Variants in KIF1B observed in about 807,000 individuals in gnomAD.
KIF1B encodes the protein kinesin family member 1B.
KIF1B carries 76 observed loss-of-function variants against 241.9 expected under a neutral mutation model. The ratio of observed to expected loss-of-function variants is 0.31; its 90% CI spans 0.26 to 0.38. The LOEUF (loss-of-function observed/expected upper bound fraction) is 0.38. KIF1B is among the 10% of genes least tolerant of loss of function. KIF1B has a pLI of 1.00. For synonymous variants in KIF1B, 750 were observed against 796.7 expected (o/e 0.94, Z 0.99); for missense variants, 1,622 against 2,271.4 (o/e 0.71, Z 5.81).
intron 22 of KIF1B, among the ~76,000 whole-genome samples, chr1:10,300,193 C>T (rs558995469): frequency 5.1e-4 from 76 of 149,900 alleles, no homozygotes; most frequent in Non-Finnish European, 9.3e-4. Flanking sequence ...GCCAAGATCG[C>T]GCAACTGCAC....
intron 38 of KIF1B, 103 bp downstream of exon 38, chr1:10,352,839 A>AT (rs761570177): frequency 3.4e-5 from 27 of 797,020 alleles, no homozygotes; most frequent in Non-Finnish European, 5.7e-5. Context: ...GGACAAAGAA[A>AT]TTAACTCCCT....
Position 10,326,239 on chromosome 1 carries a change from A to G in KIF1B, c.2804A>G (p.Asp935Gly). 2 of 1,614,160 alleles carry G rather than the reference A, an allele frequency of 1.2e-6. No homozygotes were observed. Among genetic ancestry groups the G allele is most frequent in the Non-Finnish European group, 1.7e-6 (2 of 1,180,026 alleles). ...DEQQDEMEDF[D>G]DEAFVDDAGS... ...CAGCAAGATGAGATGGAGGATTTTGATGATGAGGCATTCGTGGATGACGCC... is the reference window on the plus strand; with the variant it reads ...CAGCAAGATGAGATGGAGGATTTTGGTGATGAGGCATTCGTGGATGACGCC... The change falls in exon 27 of 49, where the codon GAT becomes GGT. Residue 935 changes from aspartate (D) to glycine (G), a missense_variant. By Grantham distance (94) the Asp-to-Gly change is moderately conservative. Coordinates refer to ENST00000676179, the MANE Select transcript of KIF1B (RefSeq NM_001365951.3). This position sits in a 1 kb window ranked among gnomAD's most constrained non-coding sequence, Gnocchi z 5.2.
intron 1 of KIF1B, among the ~76,000 whole-genome samples, chr1:10,220,413 A>AGATAGAT (rs1557644329): frequency 2.7e-4 from 41 of 149,616 alleles, no homozygotes; most frequent in African/African-American, 9.9e-4. Context: ...ATAGATAGAT[A>AGATAGAT]GATAGATAGA....
chr1:10,375,786 G>GTTTTTTTTTTTTTTTTTTTT (rs201620952), intron 48 of KIF1B, among the ~76,000 whole-genome samples: 1 of 69,566 alleles, frequency 1.4e-5, no homozygotes, highest in Non-Finnish European at 2.6e-5. Flanking sequence ...TTCTTTTCTT[G>GTTTTTTTTTTTTTTTTTTTT]TTTTTTTTTT....
At chr1:10,279,771 A>G (rs947440179) in intron 14 of KIF1B, among the ~76,000 whole-genome samples, 1 of 131,602 alleles carries the variant, frequency 7.6e-6, no homozygotes, top group Non-Finnish European at 1.5e-5. Context: ...ATCGTGGCCC[A>G]CTGTAACCTT....
chr1:10,369,930 C>T (rs1324933755), intron 44 of KIF1B, among the ~76,000 whole-genome samples: 1 of 149,460 alleles, frequency 6.7e-6, no homozygotes, highest in Non-Finnish European at 1.5e-5. Flanking sequence ...GAAACTCCGC[C>T]TCAAAAAGAA....
At chr1:10,229,508 T>C (rs1384625732) in intron 1 of KIF1B, among the ~76,000 whole-genome samples, 1 of 151,998 alleles carries the variant, frequency 6.6e-6, no homozygotes, top group Non-Finnish European at 1.5e-5. Context: ...AGATGGACAA[T>C]AGACATGCTC....
chr1:10,258,361 A>C, intron 3 of KIF1B, 132 bp from the exon 4 acceptor site: 1 of 834,640 alleles, frequency 1.2e-6, no homozygotes, highest in Non-Finnish European at 1.9e-6. Flanking sequence ...TGTGTATAGG[A>C]GGCTTAAAAA....
intron 22 of KIF1B, among the ~76,000 whole-genome samples, chr1:10,310,492 C>T (rs550532306): frequency 6.6e-6 from 1 of 151,550 alleles, no homozygotes; most frequent in African/African-American, 2.4e-5. Flanking sequence ...CGAAAGCAGC[C>T]ATAGACAATA....
chr1:10,300,781 TATTTATCA>T (rs1650502792), intron 22 of KIF1B, among the ~76,000 whole-genome samples: 1 of 152,206 alleles, frequency 6.6e-6, no homozygotes, highest in Non-Finnish European at 1.5e-5. Context: ...ATGAATGTCA[TATTTATCA>T]CTTAAAATTA....
rs552472803 is a variant in KIF1B, at chr1:10,323,310, T to C, written c.2359-574T>C. Among the ~76,000 whole-genome samples the C allele has an allele frequency of 4.5e-4, 68 of 152,332 alleles. 1 individual carries two copies. The highest frequency in any genetic ancestry group is 1.4e-3 in the African/African-American group (58 of 41,578). The stretch of plus-strand genomic sequence containing the variant: ...CTCTGGTATAAATTCTATAAAAGTC[T>C]TCATTCATTCAATCAAAATGTATTT... On this transcript the variant is annotated intron_variant, in intron 24 of 48. Coordinates refer to ENST00000676179, the MANE Select transcript of KIF1B (RefSeq NM_001365951.3).
At chr1:10,277,565 C>G (rs1046219685) in intron 12 of KIF1B, among the ~76,000 whole-genome samples, 12 of 152,124 alleles carry the variant, frequency 7.9e-5, no homozygotes, top group African/African-American at 2.9e-4. Context: ...TTTCAAATTC[C>G]TGGCCTCAAG....
intron 2 of KIF1B, among the ~76,000 whole-genome samples, chr1:10,233,821 T>C (rs1647013922): frequency 6.6e-6 from 1 of 151,874 alleles, no homozygotes; most frequent in South Asian, 2.1e-4. Flanking sequence ...TTTGTATTTT[T>C]AGTAGAGACA....
chr1:10,321,678 G>T (rs368361947), intron 23 of KIF1B, 31 bp from the exon 24 acceptor site: 6 of 1,610,232 alleles, frequency 3.7e-6, no homozygotes, highest in South Asian at 1.1e-5. Flanking sequence ...TTGTAAGATT[G>T]CCATTAAATA....
In KIF1B at chr1:10,320,167, T is replaced by C. The variant is rs757462658; in HGVS notation, c.2209+31T>C. 7 of 1,443,318 alleles carry C rather than the reference T, an allele frequency of 4.8e-6. No homozygotes were observed. The East Asian group carries it at 1.6e-4, about 33-fold the overall frequency. The allele number at this position is 1,443,318 out of a possible 1,614,324, so 89.4% of individuals were successfully genotyped here. ...ATCTAGAGACCGAAAGTTTCCTGTG[T>C]ATATCTTTTTGAAGTTATATTATCA... is the stretch of plus-strand genomic sequence containing the variant. On this transcript the variant is annotated intron_variant, in intron 23 of 48. Transcript: ENST00000676179.
chr1:10,307,779 A>T (rs1042088920), intron 22 of KIF1B: 2 of 1,037,710 alleles, frequency 1.9e-6, no homozygotes, highest in South Asian at 4.6e-5. Flanking sequence ...TCCGACATTA[A>T]TGGGAATATA....
In KIF1B at chr1:10,257,106, G is replaced by GT. The variant is rs35578047; in HGVS notation, c.183+793dup. ...AGATTGGAATGACCACAGAGAAATT[G>GT]TTTTTTTTTTGTTTGTTTGTTTGTT... is the stretch of plus-strand genomic sequence containing the variant. On this transcript the variant is annotated intron_variant, in intron 3 of 48. Coordinates refer to ENST00000676179, the MANE Select transcript of KIF1B (RefSeq NM_001365951.3). Among the ~76,000 whole-genome samples the GT allele has an allele frequency of 1.4e-3, 208 of 145,816 alleles. 1 individual carries two copies. Among genetic ancestry groups the GT allele is most frequent in the Non-Finnish European group, 2.1e-3 (137 of 66,006 alleles).
At chr1:10,369,618 AT>A (rs925104166) in intron 44 of KIF1B, among the ~76,000 whole-genome samples, 1 of 151,726 alleles carries the variant, frequency 6.6e-6, no homozygotes, top group Non-Finnish European at 1.5e-5. Context: ...GTGTGACAGT[AT>A]TTTTTTGTCT....
chr1:10,211,281 G>C (rs1389443799), intron 1 of KIF1B, among the ~76,000 whole-genome samples: 2 of 152,232 alleles, frequency 1.3e-5, no homozygotes, highest in Non-Finnish European at 2.9e-5. Flanking sequence ...TTCCTCCTTT[G>C]TGGTGGGCAT....
Sources: allele counts gnomAD v4.1 joint callset (sites outside exome capture counted in the v4.1 genomes callset), GRCh38; gene constraint gnomAD v4.1.1; non-coding constraint Gnocchi (gnomAD v3.1); transcripts MANE v1.5; gene names NCBI Gene and HGNC (gene_info 2026-07-23, HGNC 2026-07-21).